Variants in MROH1 observed in about 807,000 individuals in gnomAD.
The protein encoded by MROH1 is maestro heat-like repeat-containing protein family member 1.
A neutral mutation model predicts 116.5 loss-of-function variants in MROH1; 117 were observed. That is an observed-to-expected ratio of 1.00 (90% CI 0.86 to 1.17). The LOEUF (loss-of-function observed/expected upper bound fraction) is 1.17, where lower values mean the gene tolerates loss of function less well. Among genes scored for constraint, MROH1 ranks in the 50% most tolerant of loss-of-function variants. MROH1 has a pLI of 0.00. For synonymous variants in MROH1, 921 were observed against 583.9 expected (o/e 1.58, Z -8.32); for missense variants, 1,873 against 1,338.5 (o/e 1.40, Z -6.23).
intron 29 of MROH1, among the ~76,000 whole-genome samples, chr8:144,245,597 C>T (rs1841749373): frequency 1.3e-5 from 2 of 152,220 alleles, no homozygotes; most frequent in Admixed American, 6.5e-5. Context: ...TTATCAGGAA[C>T]AGGTATTAGA....
chr8:144,234,498 GTTTTTTTTTTTTT>G (rs1165164431), intron 14 of MROH1, among the ~76,000 whole-genome samples: 64 of 18,088 alleles, frequency 3.5e-3, no homozygotes, highest in Middle Eastern at 0.036. Flanking sequence ...TTTCTTTTTC[GTTTTTTTTTTTTT>G]TTTTTTTTTT....
chr8:144,148,473 C>A (rs1281166375), intron 1 of MROH1, among the ~76,000 whole-genome samples: 6 of 152,218 alleles, frequency 3.9e-5, no homozygotes, highest in African/African-American at 1.4e-4. Flanking sequence ...TCCCCGGGAG[C>A]GCGGTGGTCC....
intron 7 of MROH1, among the ~76,000 whole-genome samples, chr8:144,189,592 C>T (rs964599104): frequency 6.6e-6 from 1 of 152,100 alleles, no homozygotes; most frequent in African/African-American, 2.4e-5. Flanking sequence ...CCAGCTCTGC[C>T]CTCAGGGTCA....
In MROH1 at chr8:144,260,704, A is replaced by G. The variant is rs1457932068; in HGVS notation, c.4408A>G (p.Ile1470Val). ...SEKMEFRTAS[I>V]RLFGHLNKVC... ...GAAGATGGAGTTCCGGACGGCATCT[A>G]TCCGCCTCTTTGGGCACCTTAACAA... The change falls in exon 40 of 44, where the codon ATC becomes GTC. Residue 1470 changes from isoleucine to valine, a missense_variant. By Grantham distance (29) the Ile-to-Val change is conservative (BLOSUM62 3). Transcript: ENST00000326134. The G allele has an allele frequency of 5.1e-6, 4 of 779,512 alleles. No homozygotes were observed. The highest frequency in any genetic ancestry group is 7.2e-6 in the Non-Finnish European group (3 of 417,794). The allele number at this position is 779,512 out of a possible 1,614,324, so 48.3% of individuals were successfully genotyped here.
At chr8:144,224,845 G>T (rs755263843) in intron 14 of MROH1, among the ~76,000 whole-genome samples, 3 of 152,122 alleles carry the variant, frequency 2.0e-5, no homozygotes, top group African/African-American at 7.2e-5. Flanking sequence ...AGGGGTGGCC[G>T]GATGATTCTG....
intron 3 of MROH1, among the ~76,000 whole-genome samples, chr8:144,166,008 A>G (rs1264060916): frequency 6.6e-6 from 1 of 152,024 alleles, no homozygotes; most frequent in Non-Finnish European, 1.5e-5. Context: ...CCTCCTGAGT[A>G]GCTGGGACTA....
At chr8:144,222,473 C>A (rs1313521883) in intron 13 of MROH1, among the ~76,000 whole-genome samples, 3 of 152,160 alleles carry the variant, frequency 2.0e-5, no homozygotes, top group African/African-American at 7.2e-5. Context: ...AGCTTAGGGA[C>A]AGAGAAAAAA....
chr8:144,175,362 C>A, intron 4 of MROH1: 1 of 474,006 alleles, frequency 2.1e-6, no homozygotes, highest in Non-Finnish European at 2.7e-6. Context: ...CCCCTCCCAG[C>A]AACAGGTCTG....
intron 12 of MROH1, among the ~76,000 whole-genome samples, chr8:144,203,905 C>T (rs1211551498): frequency 6.6e-6 from 1 of 152,146 alleles, no homozygotes; most frequent in Non-Finnish European, 1.5e-5. Flanking sequence ...TTTGTTAATT[C>T]ATCAATCACA....
At position 144,255,716 on chromosome 8, in the gene MROH1, C is replaced by T; in HGVS notation, c.3791+11C>T. The stretch of plus-strand genomic sequence containing the variant: ...CCTGGAACCCTGCAGGTATCTGGGT[C>T]CCCACTTCCCACCTCCAGTACTGAT... On this transcript the variant is annotated intron_variant, in intron 35 of 43. Transcript: ENST00000326134. 1 of 745,062 alleles carries T rather than the reference C, an allele frequency of 1.3e-6. No individual in the cohort carries two copies. Among genetic ancestry groups the T allele is most frequent in the Non-Finnish European group, 2.5e-6 (1 of 400,706 alleles). The allele number at this position is 745,062 out of a possible 1,614,324, so 46.2% of individuals were successfully genotyped here.
At chr8:144,191,923 G>A (rs1388259666) in intron 9 of MROH1, 68 bp downstream of exon 9, 6 of 1,578,840 alleles carry the variant, frequency 3.8e-6, no homozygotes, top group African/African-American at 1.3e-5. Flanking sequence ...GGGGGTGGCC[G>A]TGAGTCCTCG....
At chr8:144,213,186 G>A (rs192780361) in intron 12 of MROH1, 94 of 724,096 alleles carry the variant, frequency 1.3e-4, no homozygotes, top group Non-Finnish European at 2.1e-4. Flanking sequence ...TTCTGCGGGC[G>A]ACTGCCCATG....
chr8:144,172,760 C>T (rs527762619), intron 4 of MROH1, among the ~76,000 whole-genome samples: 4 of 152,230 alleles, frequency 2.6e-5, no homozygotes, highest in Non-Finnish European at 4.4e-5. Context: ...AATCCACCTA[C>T]GCCCTATAAG....
At chr8:144,149,710 T>G (rs1816275880) in intron 1 of MROH1, among the ~76,000 whole-genome samples, 1 of 152,114 alleles carries the variant, frequency 6.6e-6, no homozygotes, top group Admixed American at 6.5e-5. Context: ...CCGTGGCTCT[T>G]GGGAGCTCCT....
chr8:144,229,596 G>T (rs1450992935), intron 14 of MROH1, among the ~76,000 whole-genome samples: 2 of 151,952 alleles, frequency 1.3e-5, no homozygotes, highest in Non-Finnish European at 2.9e-5. Context: ...TTGCTATGTT[G>T]CCCAGGTTGG....
intron 28 of MROH1, 50 bp downstream of exon 28, chr8:144,244,589 A>G (rs1841571219): frequency 1.4e-6 from 1 of 720,312 alleles, no homozygotes; most frequent in Admixed American, 2.0e-5. Flanking sequence ...CACAGAGGGC[A>G]CTCCACCTGG....
At chr8:144,177,509 C>T (rs1213256492) in intron 4 of MROH1, among the ~76,000 whole-genome samples, 3 of 152,326 alleles carry the variant, frequency 2.0e-5, no homozygotes, top group Non-Finnish European at 2.9e-5. Flanking sequence ...TTCACTGAGC[C>T]GGTAGCACTT....
chr8:144,250,098 G>A, intron 32 of MROH1, 114 bp from the exon 33 acceptor site: 1 of 692,704 alleles, frequency 1.4e-6, no homozygotes, highest in Non-Finnish European at 2.6e-6. Flanking sequence ...CCAGCAGTAT[G>A]GAGCTCTGCA....
At chr8:144,187,047 A>G (rs972709821) in intron 7 of MROH1, among the ~76,000 whole-genome samples, 6 of 151,766 alleles carry the variant, frequency 4.0e-5, no homozygotes, top group Admixed American at 6.6e-5. Context: ...GCAGTGAGCC[A>G]AGATCACGCC....
Sources: gnomAD v4.1 joint callset for allele counts (sites outside exome capture counted in the v4.1 genomes callset) on GRCh38, gnomAD v4.1.1 for gene constraint, MANE v1.5 for transcripts, NCBI Gene and HGNC (gene_info 2026-07-23, HGNC 2026-07-21) for gene names.